Variants in NFIB observed in about 807,000 individuals in gnomAD.
NFIB encodes nuclear factor 1 B-type.
Under a neutral mutation model 61.5 loss-of-function variants are expected in NFIB, and 11 were observed. That is an observed-to-expected ratio of 0.18 (90% CI 0.11 to 0.30). NFIB has a LOEUF of 0.30. NFIB is among the 10% of genes least tolerant of loss of function. The pLI, the probability that NFIB is intolerant of heterozygous loss-of-function variation, is 1.00. For synonymous variants in NFIB, 260 were observed against 216.5 expected (o/e 1.20, Z -1.76); for missense variants, 471 against 608.9 (o/e 0.77, Z 2.38).
At chr9:14,511,493 A>T in the NFIB span, among the ~76,000 whole-genome samples, 1 of 149,340 alleles carries the variant, frequency 6.7e-6, no homozygotes, top group Non-Finnish European at 1.5e-5. Flanking sequence ...GTATATTTTG[A>T]AAACATTATT....
At chr9:14,500,361 T>A in the NFIB span, among the ~76,000 whole-genome samples, 1 of 152,108 alleles carries the variant, frequency 6.6e-6, no homozygotes, top group African/African-American at 2.4e-5. Flanking sequence ...CCCACAGTGT[T>A]GTCTTGGGGC....
the NFIB span, among the ~76,000 whole-genome samples, chr9:14,479,190 A>T: frequency 1.3e-5 from 2 of 152,242 alleles, no homozygotes; most frequent in Admixed American, 1.3e-4. Context: ...GTAGGAAGCT[A>T]ATCTTACAGA....
At chr9:14,158,407 G>A (rs2043719287) in intron 3 of NFIB, among the ~76,000 whole-genome samples, 1 of 152,124 alleles carries the variant, frequency 6.6e-6, no homozygotes, top group African/African-American at 2.4e-5. Flanking sequence ...CTCTGTACTT[G>A]TATAGCACCT....
Position 14,179,675 on chromosome 9 carries a change from C to A in NFIB, c.616+52G>T, listed in dbSNP as rs894949423. The A allele has an allele frequency of 3.8e-6, 6 of 1,596,764 alleles. 1 individual carries two copies. The African/African-American group carries it at 5.4e-5, about 14-fold the overall frequency. On this transcript the variant is annotated intron_variant, in intron 3 of 10. Coordinates refer to ENST00000380953, the MANE Select transcript of NFIB (RefSeq NM_001190737.2). The stretch of plus-strand genomic sequence containing the variant: ...TGGGGTGTTTATCTATACAGTGGTA[C>A]CTTTGTTCTCCAACAATGTCAGATT...
chr9:14,473,634 C>T, the NFIB span, among the ~76,000 whole-genome samples: 1 of 152,186 alleles, frequency 6.6e-6, no homozygotes, highest in African/African-American at 2.4e-5. Context: ...TGCCTCTCTC[C>T]AAGTCTGCAT....
At chr9:14,337,017 T>G (rs2060893490) in intron 1 of NFIB, among the ~76,000 whole-genome samples, 1 of 152,222 alleles carries the variant, frequency 6.6e-6, no homozygotes, top group African/African-American at 2.4e-5. Flanking sequence ...CTTTTCCATG[T>G]CATGGGATAT....
At chr9:14,116,067 T>C (rs984182472) in intron 9 of NFIB, 141 bp downstream of exon 9, 1 of 1,043,780 alleles carries the variant, frequency 9.6e-7, no homozygotes, top group Non-Finnish European at 1.3e-6. Flanking sequence ...TCCACTTAAA[T>C]GAGAAATCTC....
Position 14,098,152 on chromosome 9 carries a change from A to G in NFIB, c.1468-9826T>C, listed in dbSNP as rs114134999. Among the ~76,000 whole-genome samples the G allele has an allele frequency of 5.5e-3, 836 of 152,190 alleles. 9 individuals carry two copies. Among genetic ancestry groups the G allele is most frequent in the African/African-American group, 0.018 (730 of 41,554 alleles). ...CAGAAACACAAAAATCCTCCCAATT[A>G]TTTTAGTAAAATCTTCATTTATTCA... On this transcript the variant is annotated intron_variant, in intron 10 of 10. Coordinates refer to ENST00000380953, the MANE Select transcript of NFIB (RefSeq NM_001190737.2).
At chr9:14,218,708 A>G (rs907211971) in intron 2 of NFIB, among the ~76,000 whole-genome samples, 4 of 152,174 alleles carry the variant, frequency 2.6e-5, no homozygotes, top group Non-Finnish European at 5.9e-5. Context: ...GGCATCTGAA[A>G]TGTACTCTTT....
the NFIB span, among the ~76,000 whole-genome samples, chr9:14,471,255 C>G: frequency 6.6e-6 from 1 of 152,292 alleles, no homozygotes; most frequent in East Asian, 1.9e-4. Context: ...ACTGATGTTA[C>G]GCATGTAGGA....
At chr9:14,158,536 A>G (rs1054190038) in intron 3 of NFIB, among the ~76,000 whole-genome samples, 1 of 152,210 alleles carries the variant, frequency 6.6e-6, no homozygotes, top group African/African-American at 2.4e-5. Flanking sequence ...GGTTTTGTTC[A>G]TCTCTATATC....
chr9:14,237,669 G>A (rs1434367326), intron 2 of NFIB, among the ~76,000 whole-genome samples: 1 of 151,880 alleles, frequency 6.6e-6, no homozygotes, highest in Non-Finnish European at 1.5e-5. Context: ...CCCAATATAA[G>A]AGGTCAGCAA....
At chr9:14,136,579 A>G (rs182957228) in intron 6 of NFIB, among the ~76,000 whole-genome samples, 37 of 152,208 alleles carry the variant, frequency 2.4e-4, no homozygotes, top group Admixed American at 2.4e-3. Context: ...TTATGCTACA[A>G]GACATCTCAA....
At position 14,215,236 on chromosome 9, in the gene NFIB, C is replaced by G. The variant is rs1353497526; in HGVS notation, c.563-35456G>C. On this transcript the variant is annotated intron_variant, in intron 2 of 10. Coordinates refer to ENST00000380953, the MANE Select transcript of NFIB (RefSeq NM_001190737.2). ...TCACATCAGTTTCTCATAGACTGTC[C>G]AGCATATTGGAACCGAAGAAAAAGA... is the stretch of plus-strand genomic sequence containing the variant. 3.5e-5 allele frequency among the ~76,000 whole-genome samples: 5 copies of G among 144,598 alleles called. 1 individual carries two copies. The East Asian group carries it at 9.7e-4, about 28-fold the overall frequency. 94.9% of individuals were successfully genotyped at this position (144,598 alleles called of 152,430 possible). A position where few individuals can be genotyped will look rare whatever the true frequency, so the allele number is the denominator to read the frequency against.
intron 2 of NFIB, among the ~76,000 whole-genome samples, chr9:14,217,499 A>G (rs1253879678): frequency 2.0e-5 from 3 of 152,072 alleles, no homozygotes; most frequent in Admixed American, 6.6e-5. Flanking sequence ...TGTGTCTACT[A>G]AAAATACAAA....
At chr9:14,177,851 C>T (rs191847916) in intron 3 of NFIB, among the ~76,000 whole-genome samples, 45 of 152,120 alleles carry the variant, frequency 3.0e-4, no homozygotes, top group Middle Eastern at 6.8e-3. Context: ...GATGCTACAT[C>T]GAATGCAGCA....
chr9:14,433,313 C>A, the NFIB span, among the ~76,000 whole-genome samples: 1 of 152,078 alleles, frequency 6.6e-6, no homozygotes, highest in Non-Finnish European at 1.5e-5. Context: ...TTGTTTGAGC[C>A]CCATTGTCTA....
intron 2 of NFIB, among the ~76,000 whole-genome samples, chr9:14,270,044 C>G (rs2132316961): frequency 6.6e-6 from 1 of 152,236 alleles, no homozygotes; most frequent in East Asian, 1.9e-4. Context: ...TCATTTTAAC[C>G]TATTAACAAG....
chr9:14,204,298 T>A (rs2049379908), intron 2 of NFIB: 2 of 698,742 alleles, frequency 2.9e-6, no homozygotes, highest in East Asian at 5.1e-5. Context: ...CGGCCCCTGC[T>A]GTCTTGAAGA....
Sources: gnomAD v4.1 joint callset for allele counts (sites outside exome capture counted in the v4.1 genomes callset) on GRCh38, gnomAD v4.1.1 for gene constraint, MANE v1.5 for transcripts, NCBI Gene and HGNC (gene_info 2026-07-23, HGNC 2026-07-21) for gene names.